Variants in ESR1 observed in about 807,000 individuals in gnomAD.
The protein encoded by ESR1 is estrogen receptor.
Under a neutral mutation model 52.7 loss-of-function variants are expected in ESR1, and 12 were observed. The ratio of observed to expected loss-of-function variants is 0.23; its 90% CI spans 0.15 to 0.37. The LOEUF is 0.37. ESR1 is among the 10% of genes least tolerant of loss of function. The probability of loss-of-function intolerance (pLI) is 1.00; values close to 1 mark genes in which losing one functional copy is unlikely to be tolerated. For missense variants in ESR1, 584 were observed against 779.7 expected, an observed-to-expected ratio of 0.75 and a Z score of 2.99; for synonymous variants, 305 against 316.8, an observed-to-expected ratio of 0.96 and a Z score of 0.39.
chr6:151,716,269 C>A (rs1781026235), intron 2 of ESR1, among the ~76,000 whole-genome samples: 1 of 152,164 alleles, frequency 6.6e-6, no homozygotes. Context: ...GTCTGTCAAC[C>A]CCTGCTGGGA....
chr6:151,718,773 TG>T (rs1436295707), intron 2 of ESR1, among the ~76,000 whole-genome samples: 1 of 152,218 alleles, frequency 6.6e-6, no homozygotes, highest in Non-Finnish European at 1.5e-5. Flanking sequence ...AGTGGAACTC[TG>T]CTCAGAGTCC....
In ESR1 at chr6:152,016,761, G is replaced by A. The variant is rs574445607; in HGVS notation, c.1235+4967G>A. 3.3e-5 allele frequency among the ~76,000 whole-genome samples: 5 copies of A among 152,218 alleles called. No homozygotes were observed. In the East Asian group the frequency reaches 9.6e-4, roughly 29 times the overall value. ...ATAGTAGATACTTATAACTTTAAAAGCTAAGTGGTTGACAGCTGAGAGGCA... is the reference window on the plus strand; with the variant it reads ...ATAGTAGATACTTATAACTTTAAAAACTAAGTGGTTGACAGCTGAGAGGCA... On this transcript the variant is annotated intron_variant, in intron 5 of 7. Transcript: ENST00000206249.
chr6:151,701,227 T>C (rs76255716), intron 1 of ESR1, among the ~76,000 whole-genome samples: 1 of 147,722 alleles, frequency 6.8e-6, no homozygotes, highest in Admixed American at 6.8e-5. Context: ...TTTTTTTTAA[T>C]TTCTAATGGC....
At chr6:151,666,975 T>C (rs1461578471) in intron 1 of ESR1, among the ~76,000 whole-genome samples, 10 of 151,290 alleles carry the variant, frequency 6.6e-5, no homozygotes, top group Non-Finnish European at 1.3e-4. Flanking sequence ...AGGAGAGAGG[T>C]GGGGAAAATG....
intron 6 of ESR1, among the ~76,000 whole-genome samples, chr6:152,069,774 C>T (rs901778890): frequency 1.5e-5 from 2 of 136,964 alleles, no homozygotes; most frequent in Non-Finnish European, 3.0e-5. Flanking sequence ...AGTAATGCTT[C>T]CTTGCCCACC....
At chr6:151,826,330 C>A (rs1781493782) in intron 1 of ESR1, among the ~76,000 whole-genome samples, 1 of 152,116 alleles carries the variant, frequency 6.6e-6, no homozygotes, top group Non-Finnish European at 1.5e-5. Flanking sequence ...GGAATTTGAG[C>A]CTTATATTCA....
chr6:152,077,502 C>T (rs181796003), intron 6 of ESR1, among the ~76,000 whole-genome samples: 72 of 152,194 alleles, frequency 4.7e-4, no homozygotes, highest in Admixed American at 3.6e-3. Flanking sequence ...TCCTCCAGAC[C>T]GCAGAATAGT....
chr6:152,092,627 A>C (rs1338022756), intron 6 of ESR1, among the ~76,000 whole-genome samples: 1 of 152,228 alleles, frequency 6.6e-6, no homozygotes, highest in African/African-American at 2.4e-5. Context: ...GGTATGACCA[A>C]AAAGTGTTAC....
At chr6:151,714,796 G>T (rs1379654005) in intron 2 of ESR1, among the ~76,000 whole-genome samples, 1 of 152,060 alleles carries the variant, frequency 6.6e-6, no homozygotes, top group African/African-American at 2.4e-5. Flanking sequence ...TATCCAGTTT[G>T]CCAGTCTGTG....
chr6:151,671,000 C>T (rs140309818), intron 1 of ESR1, among the ~76,000 whole-genome samples: 2,213 of 151,976 alleles, frequency 0.015, 25 homozygotes, highest in Non-Finnish European at 0.022. Flanking sequence ...ACTCCTGGCC[C>T]CAAGTGATCT....
chr6:151,955,732 C>G (rs1478949035), intron 4 of ESR1, among the ~76,000 whole-genome samples: 1 of 152,024 alleles, frequency 6.6e-6, no homozygotes, highest in African/African-American at 2.4e-5. Context: ...AAAAAAGTAA[C>G]TTTTATTTTA....
intron 5 of ESR1, among the ~76,000 whole-genome samples, chr6:152,043,913 G>A (rs1174048197): frequency 6.6e-6 from 1 of 152,152 alleles, no homozygotes; most frequent in East Asian, 1.9e-4. Flanking sequence ...CATGATAAGA[G>A]CTTGTGTCTG....
intron 1 of ESR1, among the ~76,000 whole-genome samples, chr6:151,841,456 C>G (rs1252374654): frequency 6.6e-6 from 1 of 152,182 alleles, no homozygotes; most frequent in Non-Finnish European, 1.5e-5. Flanking sequence ...TTGGACTTCT[C>G]TGCCCCATTT....
intron 2 of ESR1, among the ~76,000 whole-genome samples, chr6:151,711,091 GTAT>G (rs1204774991): frequency 6.6e-6 from 1 of 152,144 alleles, no homozygotes; most frequent in East Asian, 1.9e-4. Context: ...GGGTCAAACG[GTAT>G]TTCTAGTTCT....
At chr6:151,786,675 CTTT>C (rs11409681) in intron 2 of ESR1, among the ~76,000 whole-genome samples, 1 of 145,916 alleles carries the variant, frequency 6.9e-6, no homozygotes, top group African/African-American at 2.5e-5. Context: ...ATTATTAAGA[CTTT>C]TTTTTTTTTT....
intron 3 of ESR1, among the ~76,000 whole-genome samples, chr6:151,910,788 G>A (rs2128434715): frequency 6.6e-6 from 1 of 152,250 alleles, no homozygotes; most frequent in African/African-American, 2.4e-5. Context: ...TTATATTTCA[G>A]TTTGTATGCC....
Position 151,716,337 on chromosome 6 carries a change from C to T in ESR1, c.-71+14332C>T, listed in dbSNP as rs1333510242. On this transcript the variant is annotated intron_variant, in intron 2 of 2. Transcript: ENST00000404742. ...GGACCCACTTGAGCAGGTAGTCTGT[C>T]CCTTAGCAGAGCTCAAATATTGTGC... Among the ~76,000 whole-genome samples the T allele has an allele frequency of 2.0e-5, 3 of 152,282 alleles. No individual in the cohort carries two copies. The East Asian group carries it at 5.8e-4, about 29-fold the overall frequency.
intron 4 of ESR1, among the ~76,000 whole-genome samples, chr6:151,977,197 AT>A (rs543327435): frequency 2.6e-5 from 4 of 152,186 alleles, no homozygotes; most frequent in Non-Finnish European, 5.9e-5. Flanking sequence ...TTAAGTTTCC[AT>A]TTTGACTGGC....
At chr6:151,682,116 G>GT (rs1244345473) in intron 1 of ESR1, among the ~76,000 whole-genome samples, 1 of 152,172 alleles carries the variant, frequency 6.6e-6, no homozygotes, top group Non-Finnish European at 1.5e-5. Flanking sequence ...CCTAGCACAG[G>GT]TTTTTTGATT....
Sources: gnomAD v4.1 joint callset for allele counts (sites outside exome capture counted in the v4.1 genomes callset) on GRCh38, gnomAD v4.1.1 for gene constraint, MANE v1.5 for transcripts, NCBI Gene and HGNC (gene_info 2026-07-23, HGNC 2026-07-21) for gene names.